THADA: variants seen among roughly 807,000 people sequenced by gnomAD.
THADA encodes the protein THADA armadillo repeat containing.
THADA carries 213 observed loss-of-function variants against 219.8 expected under a neutral mutation model. The ratio of observed to expected loss-of-function variants is 0.97; its 90% CI spans 0.87 to 1.09. The LOEUF is 1.09. THADA is among the 50% of genes least tolerant of loss of function. The pLI is 0.00. For synonymous variants in THADA, 1,018 were observed against 828.9 expected (o/e 1.23, Z -3.92); for missense variants, 2,956 against 2,311.3 (o/e 1.28, Z -5.72).
At chr2:43,365,879 C>T (rs967132693) in intron 29 of THADA, among the ~76,000 whole-genome samples, 34 of 152,226 alleles carry the variant, frequency 2.2e-4, no homozygotes, top group African/African-American at 7.9e-4. Flanking sequence ...GATGGGAAGA[C>T]ACTGTCTCCC....
intron 22 of THADA, among the ~76,000 whole-genome samples, chr2:43,510,215 C>T (rs1045882145): frequency 1.4e-4 from 21 of 152,186 alleles, no homozygotes; most frequent in African/African-American, 4.8e-4. Flanking sequence ...ATAAAAATCA[C>T]AAATCGGGGA....
chr2:43,495,128 A>G (rs1179072929), intron 25 of THADA, among the ~76,000 whole-genome samples: 2 of 152,188 alleles, frequency 1.3e-5, no homozygotes, highest in African/African-American at 4.8e-5. Context: ...AATCACTTCA[A>G]CAGAGAATGC....
chr2:43,551,813 G>A lies in THADA; in HGVS notation c.2923C>T (p.Leu975Phe), dbSNP rs1427583935. ...PVIQSSSPEGLIPMDTDSESA... is the reference protein window; with the variant it reads ...PVIQSSSPEGFIPMDTDSESA... ...CCTGAATCAGTGTCCATTGGGATGA[G>A]GCCTTCAGGGGATGAGCTCTGAATG... Residue 975 changes from leucine to phenylalanine, a missense_variant, in exon 19 of 38, where the codon CTC becomes TTC. Coordinates refer to ENST00000405975, the MANE Select transcript of THADA (RefSeq NM_022065.5). The A allele has an allele frequency of 6.2e-7, 1 of 1,613,532 alleles. No homozygotes were observed. Among genetic ancestry groups the A allele is most frequent in the African/African-American group, 1.3e-5 (1 of 74,876 alleles).
intron 28 of THADA, among the ~76,000 whole-genome samples, chr2:43,421,114 T>G (rs1350892179): frequency 1.3e-5 from 2 of 152,186 alleles, no homozygotes; most frequent in Non-Finnish European, 2.9e-5. Context: ...AAGATAACAC[T>G]GGGGGCATTT....
At chr2:43,266,399 G>A (rs1671521201) in intron 36 of THADA, among the ~76,000 whole-genome samples, 1 of 152,152 alleles carries the variant, frequency 6.6e-6, no homozygotes, top group African/African-American at 2.4e-5. Context: ...AGACCATCCT[G>A]GCTAACACGG....
intron 22 of THADA, among the ~76,000 whole-genome samples, chr2:43,524,635 G>C (rs956479017): frequency 6.6e-6 from 1 of 152,104 alleles, no homozygotes; most frequent in African/African-American, 2.4e-5. Flanking sequence ...CCAAACAAAA[G>C]GAAGCCACAC....
intron 36 of THADA, among the ~76,000 whole-genome samples, chr2:43,272,223 CA>C (rs1438199509): frequency 3.3e-5 from 5 of 152,270 alleles, no homozygotes; most frequent in African/African-American, 1.2e-4. Flanking sequence ...GGAGGAGCGG[CA>C]GGGGCTGGAC....
At chr2:43,383,220 A>C (rs1401852473) in intron 29 of THADA, among the ~76,000 whole-genome samples, 2 of 152,210 alleles carry the variant, frequency 1.3e-5, no homozygotes, top group African/African-American at 4.8e-5. Flanking sequence ...TGACAGTATC[A>C]AAATTGGTTG....
rs563867208 is a variant in THADA, at chr2:43,375,666, G to C, written c.4227+22305C>G. Among the ~76,000 whole-genome samples the C allele has an allele frequency of 4.6e-5, 7 of 152,164 alleles. No homozygotes were observed. In the East Asian group the frequency reaches 1.3e-3, roughly 29 times the overall value. ...AAATGTTTTCTTTTTCTAAATACAA[G>C]GTCACAATTTTAGGAAACTGAAAAA... On this transcript the variant is annotated intron_variant, in intron 29 of 37. Transcript: ENST00000405975.
intron 26 of THADA, among the ~76,000 whole-genome samples, chr2:43,438,858 A>G (rs1680487713): frequency 6.6e-6 from 1 of 152,074 alleles, no homozygotes; most frequent in African/African-American, 2.4e-5. Context: ...ATTAACAACA[A>G]TAATAATAAA....
chr2:43,505,762 C>T (rs200577753), intron 23 of THADA, 27 bp from the exon 24 acceptor site: 3 of 1,499,822 alleles, frequency 2.0e-6, no homozygotes, highest in African/African-American at 1.4e-5. Context: ...CAAAAATTAA[C>T]AGGGTTCTTA....
chr2:43,441,525 T>TTCAC (rs1317681593), intron 26 of THADA, among the ~76,000 whole-genome samples: 20 of 152,228 alleles, frequency 1.3e-4, no homozygotes. Flanking sequence ...TTATCCAAAC[T>TTCAC]TCACTCACTT....
intron 31 of THADA, among the ~76,000 whole-genome samples, chr2:43,305,754 A>G (rs368865407): frequency 6.6e-6 from 1 of 152,056 alleles, no homozygotes; most frequent in African/African-American, 2.4e-5. Flanking sequence ...AGCTTTTACT[A>G]TTGCCTCCAC....
intron 36 of THADA, among the ~76,000 whole-genome samples, chr2:43,275,131 A>G (rs1259638974): frequency 6.6e-6 from 1 of 151,388 alleles, no homozygotes. Flanking sequence ...CAGTCTCCAG[A>G]GTAACTGGGA....
intron 10 of THADA, 23 bp from the exon 11 acceptor site, chr2:43,575,050 C>CCAT: frequency 6.4e-6 from 10 of 1,552,774 alleles, no homozygotes; most frequent in Non-Finnish European, 7.8e-6. Context: ...GAGCCATGAG[C>CCAT]CATTATTGTA....
chr2:43,311,015 A>G (rs1053130107), intron 31 of THADA, among the ~76,000 whole-genome samples: 15 of 152,294 alleles, frequency 9.8e-5, no homozygotes, highest in Non-Finnish European at 2.2e-4. Context: ...TGTCTCTACT[A>G]AAAATACAAA....
At chr2:43,232,334 A>G (rs1392633660) in intron 37 of THADA, among the ~76,000 whole-genome samples, 1 of 151,932 alleles carries the variant, frequency 6.6e-6, no homozygotes, top group African/African-American at 2.4e-5. Context: ...ACCCACCACC[A>G]TGCCCGGCTA....
At chr2:43,425,733 A>T (rs1678349376) in intron 28 of THADA, among the ~76,000 whole-genome samples, 1 of 152,166 alleles carries the variant, frequency 6.6e-6, no homozygotes, top group African/African-American at 2.4e-5. Flanking sequence ...GTACTTAAGG[A>T]ATCAAGGGTG....
At chr2:43,305,125 T>C (rs1676705590) in intron 31 of THADA, among the ~76,000 whole-genome samples, 1 of 152,234 alleles carries the variant, frequency 6.6e-6, no homozygotes, top group Non-Finnish European at 1.5e-5. Flanking sequence ...TGATAATTTG[T>C]ACACTCTTAA....
Sources: allele counts gnomAD v4.1 joint callset (sites outside exome capture counted in the v4.1 genomes callset), GRCh38; gene constraint gnomAD v4.1.1; transcripts MANE v1.5; gene names NCBI Gene and HGNC (gene_info 2026-07-23, HGNC 2026-07-21).